The following PCDHA2 variants were observed in gnomAD, a reference collection of about 807,000 sequenced individuals.
The protein encoded by PCDHA2 is protocadherin alpha-2.
PCDHA2 carries 58 observed loss-of-function variants against 66.0 expected under a neutral mutation model. The observed-to-expected ratio is 0.88, with a 90% CI of 0.71 to 1.09. The LOEUF is 1.09. Among genes scored for constraint, PCDHA2 ranks in the 50% least tolerant of loss-of-function variants. The pLI is 0.00. For synonymous variants in PCDHA2, 634 were observed against 554.0 expected (o/e 1.14, Z -2.03); for missense variants, 1,267 against 1,242.3 (o/e 1.02, Z -0.30).
At chr5:140,850,247 G>C (rs2150475537) in intron 1 of PCDHA2, 3 of 1,593,682 alleles carry the variant, frequency 1.9e-6, no homozygotes, top group Middle Eastern at 2.3e-4. Context: ...TGCTGCGGTC[G>C]GTGGGCGCCG....
chr5:140,795,029 C>A lies in PCDHA2; in HGVS notation c.65C>A (p.Ala22Glu). 6.2e-7 allele frequency: 1 copy of A among 1,613,822 alleles called. No individual in the cohort carries two copies. The highest frequency in any genetic ancestry group is 8.5e-7 in the Non-Finnish European group (1 of 1,179,978). The change falls in exon 1 of 4, where the codon GCA (alanine) becomes GAA (glutamate). Residue 22 changes from alanine to glutamate, a missense_variant. By Grantham distance (107) the Ala-to-Glu change is moderately radical. Coordinates refer to ENST00000526136, the MANE Select transcript of PCDHA2 (RefSeq NM_018905.3). ...WTRLLSLLLL[A>E]AWEVGSGQLR... Reference sequence around the variant, plus strand: ...CGGCTGCTCTCGCTTCTGCTCCTCGCAGCCTGGGAGGTGGGGAGCGGCCAG... The same window carrying A: ...CGGCTGCTCTCGCTTCTGCTCCTCGAAGCCTGGGAGGTGGGGAGCGGCCAG...
intron 1 of PCDHA2, chr5:140,842,797 C>T (rs1554139391): frequency 1.3e-6 from 2 of 1,594,372 alleles, no homozygotes; most frequent in East Asian, 2.2e-5. Context: ...TGGTGTCCTA[C>T]TCGCTTGTGG....
At chr5:140,856,540 C>T (rs1554148838) in intron 1 of PCDHA2, 1 of 1,598,278 alleles carries the variant, frequency 6.3e-7, no homozygotes, top group Non-Finnish European at 8.6e-7. Context: ...TTGGAGAGAA[C>T]GCATTGCTTA....
intron 1 of PCDHA2, among the ~76,000 whole-genome samples, chr5:140,943,453 G>T (rs545980639): frequency 3.3e-4 from 50 of 152,158 alleles, no homozygotes; most frequent in Admixed American, 2.6e-4. Context: ...GAATTGATAA[G>T]GCTAAATGTG....
At chr5:140,851,304 C>A in intron 1 of PCDHA2, 2 of 1,006,386 alleles carry the variant, frequency 2.0e-6, no homozygotes, top group Non-Finnish European at 2.4e-6. Flanking sequence ...AAATATATAG[C>A]AATTGTTACC....
chr5:140,836,216 G>C lies in PCDHA2; in HGVS notation c.2388+38864G>C, dbSNP rs1311247537. On this transcript the variant is annotated intron_variant, in intron 1 of 3. Coordinates refer to ENST00000526136, the MANE Select transcript of PCDHA2 (RefSeq NM_018905.3). The stretch of plus-strand genomic sequence containing the variant: ...ACAACGCGTGGCTTTCGTATGAGTT[G>C]CAACCGGTGGCGGCCGGTGCGAGCA... The C allele has an allele frequency of 1.2e-6, 2 of 1,613,724 alleles. No individual in the cohort carries two copies. Among genetic ancestry groups the C allele is most frequent in the East Asian group, 4.5e-5 (2 of 44,868 alleles).
intron 1 of PCDHA2, among the ~76,000 whole-genome samples, chr5:140,972,279 A>G (rs568636203): frequency 3.3e-5 from 5 of 150,992 alleles, no homozygotes; most frequent in South Asian, 4.2e-4. Context: ...AGCTTGGACC[A>G]TAGATGTGCG....
intron 1 of PCDHA2, chr5:140,829,261 G>A (rs1770190858): frequency 1.9e-6 from 3 of 1,614,114 alleles, no homozygotes; most frequent in South Asian, 1.1e-5. Flanking sequence ...GCTCGCTGAC[G>A]CCTCACGTCC....
At chr5:140,941,603 T>C (rs116946105) in intron 1 of PCDHA2, among the ~76,000 whole-genome samples, 1 of 152,024 alleles carries the variant, frequency 6.6e-6, no homozygotes, top group East Asian at 1.9e-4. Flanking sequence ...CCATGAGCCA[T>C]GGTGCCCAGC....
At chr5:140,876,894 C>G in intron 1 of PCDHA2, 2 of 1,614,132 alleles carry the variant, frequency 1.2e-6, no homozygotes, top group Non-Finnish European at 1.7e-6. Context: ...GCTGCCACAT[C>G]TTCACGGTGT....
chr5:140,836,700 A>C, intron 1 of PCDHA2: 1 of 1,613,438 alleles, frequency 6.2e-7, no homozygotes, highest in Non-Finnish European at 8.5e-7. Context: ...CATGGCCTTC[A>C]GTCCCAGCCT....
intron 1 of PCDHA2, among the ~76,000 whole-genome samples, chr5:140,798,583 AC>A (rs1346443440): frequency 1.9e-4 from 29 of 152,184 alleles, no homozygotes; most frequent in African/African-American, 6.8e-4. Flanking sequence ...GAGATTGACT[AC>A]TTTTTTCTGG....
At chr5:140,966,528 G>C in intron 1 of PCDHA2, 1 of 446,634 alleles carries the variant, frequency 2.2e-6, no homozygotes, top group Non-Finnish European at 3.9e-6. Context: ...AGCCGAGCCG[G>C]GTTGAGCGAC....
chr5:140,974,481 A>T (rs1017520033), intron 1 of PCDHA2, among the ~76,000 whole-genome samples: 4 of 152,178 alleles, frequency 2.6e-5, no homozygotes, highest in Non-Finnish European at 5.9e-5. Context: ...TTCCACCCAG[A>T]ATTCTCAAAT....
At chr5:140,807,776 C>T (rs1178619077) in intron 1 of PCDHA2, 2 of 1,614,004 alleles carry the variant, frequency 1.2e-6, no homozygotes, top group Admixed American at 3.3e-5. Context: ...GCTTATATTA[C>T]GGAAATCTTT....
intron 1 of PCDHA2, chr5:140,823,306 G>T (rs2150124482): frequency 6.2e-7 from 1 of 1,612,180 alleles, no homozygotes; most frequent in Non-Finnish European, 8.5e-7. Flanking sequence ...TTCGGTGCAC[G>T]CGGAGAGCGG....
At chr5:140,988,467 A>T (rs1245281936) in intron 3 of PCDHA2, among the ~76,000 whole-genome samples, 12 of 152,242 alleles carry the variant, frequency 7.9e-5, no homozygotes, top group African/African-American at 2.4e-4. Flanking sequence ...AGGGTGTGGG[A>T]AGGGGAATTA....
At chr5:140,884,577 T>C (rs2060274481) in intron 1 of PCDHA2, 2 of 1,614,230 alleles carry the variant, frequency 1.2e-6, no homozygotes, top group East Asian at 4.5e-5. Context: ...ACGGACCTCA[T>C]GGCCTTCAGT....
chr5:140,806,806 TA>T, intron 1 of PCDHA2: 1 of 215,384 alleles, frequency 4.6e-6, no homozygotes, highest in Non-Finnish European at 9.3e-6. Flanking sequence ...TCTACTGAAG[TA>T]AAAGTTGCCC....
Sources: gnomAD v4.1 joint callset for allele counts (sites outside exome capture counted in the v4.1 genomes callset) on GRCh38, gnomAD v4.1.1 for gene constraint, MANE v1.5 for transcripts, NCBI Gene and HGNC (gene_info 2026-07-23, HGNC 2026-07-21) for gene names.